The following CLYBL variants were observed in gnomAD, a reference collection of about 807,000 sequenced individuals.
CLYBL encodes citramalyl-CoA lyase.
Under a neutral mutation model 38.9 loss-of-function variants are expected in CLYBL, and 31 were observed. The ratio of observed to expected loss-of-function variants is 0.80; its 90% CI spans 0.60 to 1.08. The LOEUF is 1.08. CLYBL is among the 50% of genes least tolerant of loss of function. CLYBL has a pLI of 0.00. For synonymous variants in CLYBL, 171 were observed against 158.6 expected (o/e 1.08, Z -0.59); for missense variants, 434 against 411.6 (o/e 1.05, Z -0.47).
chr13:99,670,234 A>C (rs991637160), intron 1 of CLYBL, among the ~76,000 whole-genome samples: 6 of 152,150 alleles, frequency 3.9e-5, no homozygotes, highest in South Asian at 2.1e-4. Flanking sequence ...GTGCATGCCT[A>C]TAGTCCCAGC....
intron 6 of CLYBL, among the ~76,000 whole-genome samples, chr13:99,868,954 G>A (rs190529025): frequency 3.2e-4 from 49 of 152,116 alleles, no homozygotes; most frequent in East Asian, 1.5e-3. Flanking sequence ...TATATCAAGC[G>A]GTACTGTAAA....
chr13:99,641,225 GTAAT>G (rs1378799062), intron 1 of CLYBL, among the ~76,000 whole-genome samples: 2 of 152,134 alleles, frequency 1.3e-5, no homozygotes, highest in Non-Finnish European at 2.9e-5. Context: ...TAAAATATGA[GTAAT>G]TAATCATTTA....
intron 1 of CLYBL, among the ~76,000 whole-genome samples, chr13:99,755,850 G>T (rs2049053557): frequency 6.6e-6 from 1 of 152,092 alleles, no homozygotes; most frequent in Admixed American, 6.6e-5. Context: ...CTTCAGCCCT[G>T]TCTCATTACT....
chr13:99,725,234 T>C (rs755909819), intron 1 of CLYBL, among the ~76,000 whole-genome samples: 26 of 152,146 alleles, frequency 1.7e-4, no homozygotes, highest in Non-Finnish European at 3.4e-4. Context: ...CAAATCTTGA[T>C]GTAAAAGAAG....
chr13:99,736,285 C>T lies in CLYBL; in HGVS notation c.63-36539C>T, dbSNP rs189617556. Among the ~76,000 whole-genome samples the T allele has an allele frequency of 1.6e-4, 24 of 151,060 alleles. No homozygotes were observed. The East Asian group carries it at 3.1e-3, about 19-fold the overall frequency. Reference sequence around the variant, plus strand: ...GTCTCAAACTCCTGGGTGATGTGGCCGCCTCAGCCTCCCAAAGTGTGGGGA... The same window carrying T: ...GTCTCAAACTCCTGGGTGATGTGGCTGCCTCAGCCTCCCAAAGTGTGGGGA... On this transcript the variant is annotated intron_variant, in intron 1 of 8. Coordinates refer to ENST00000339105, the MANE Select transcript of CLYBL (RefSeq NM_206808.5).
intron 2 of CLYBL, among the ~76,000 whole-genome samples, chr13:99,843,142 TGA>T (rs1433274084): frequency 6.6e-6 from 1 of 152,156 alleles, no homozygotes; most frequent in Non-Finnish European, 1.5e-5. Context: ...CAGGAGGCTG[TGA>T]GAGTTGGAGC....
At chr13:99,687,169 C>T (rs931302620) in intron 1 of CLYBL, among the ~76,000 whole-genome samples, 2 of 152,136 alleles carry the variant, frequency 1.3e-5, no homozygotes, top group African/African-American at 4.8e-5. Context: ...GCTGGTGTTG[C>T]GGATTAAGAT....
intron 1 of CLYBL, among the ~76,000 whole-genome samples, chr13:99,633,722 A>G (rs1191181767): frequency 6.6e-6 from 1 of 152,158 alleles, no homozygotes; most frequent in African/African-American, 2.4e-5. Context: ...AAAATGGTGA[A>G]AATTGTGAAT....
intron 1 of CLYBL, among the ~76,000 whole-genome samples, chr13:99,632,791 A>C (rs188049101): frequency 6.6e-6 from 1 of 152,262 alleles, no homozygotes; most frequent in Non-Finnish European, 1.5e-5. Context: ...TAGAGGTAGA[A>C]ATGGGAAAAA....
intron 3 of CLYBL, among the ~76,000 whole-genome samples, chr13:99,859,428 G>A (rs982635849): frequency 4.6e-5 from 7 of 152,130 alleles, no homozygotes; most frequent in Non-Finnish European, 1.0e-4. Context: ...TGACGTAAAT[G>A]GCCCTTACTG....
chr13:99,788,009 T>C (rs2049834951), intron 2 of CLYBL, among the ~76,000 whole-genome samples: 1 of 152,340 alleles, frequency 6.6e-6, no homozygotes, highest in Non-Finnish European at 1.5e-5. Context: ...TTGTCTGTTA[T>C]TGGTGTATAA....
chr13:99,712,598 T>G (rs1057250052), intron 1 of CLYBL, among the ~76,000 whole-genome samples: 3 of 152,118 alleles, frequency 2.0e-5, no homozygotes, highest in African/African-American at 7.2e-5. Context: ...CTCCCTGCCT[T>G]GGCCTCCAAA....
chr13:99,711,573 A>G (rs1336246213), intron 1 of CLYBL, among the ~76,000 whole-genome samples: 2 of 146,650 alleles, frequency 1.4e-5, no homozygotes, highest in African/African-American at 5.1e-5. Flanking sequence ...CGCCCGGCTA[A>G]TTTTGTATTT....
intron 2 of CLYBL, among the ~76,000 whole-genome samples, chr13:99,777,398 A>T (rs1252235463): frequency 6.6e-6 from 1 of 152,124 alleles, no homozygotes; most frequent in Non-Finnish European, 1.5e-5. Context: ...TCTTGAGGAA[A>T]CCCAAGTCAG....
chr13:99,714,260 A>G (rs2048279590), intron 1 of CLYBL, among the ~76,000 whole-genome samples: 1 of 151,740 alleles, frequency 6.6e-6, no homozygotes, highest in Non-Finnish European at 1.5e-5. Context: ...TTCGGTTTTT[A>G]TCTTTCAAGT....
chr13:99,869,166 A>G lies in CLYBL; in HGVS notation c.803-1772A>G, dbSNP rs138377062. Among the ~76,000 whole-genome samples the G allele has an allele frequency of 5.4e-4, 83 of 152,328 alleles. No individual in the cohort carries two copies. The highest frequency in any genetic ancestry group is 1.9e-3 in the African/African-American group (80 of 41,580). ...CACACATTTCTAAAACCTAACATGT[A>G]TCTTAAAATTAGCCTCATTGCCCAA... On this transcript the variant is annotated intron_variant, in intron 6 of 8. Coordinates refer to ENST00000339105, the MANE Select transcript of CLYBL (RefSeq NM_206808.5). This position sits in a 1 kb window ranked among gnomAD's most constrained non-coding sequence, Gnocchi z 4.3.
chr13:99,891,320 G>A lies in CLYBL; in HGVS notation c.930G>A (p.Gly310=). 10 of 1,610,906 alleles carry A rather than the reference G, an allele frequency of 6.2e-6. No individual in the cohort carries two copies. The highest frequency in any genetic ancestry group is 8.5e-6 in the Non-Finnish European group (10 of 1,177,258). The change falls in exon 8 of 9, where the codon GGG becomes GGA. Residue 310 remains glycine, a splice_region_variant and synonymous_variant. Coordinates refer to ENST00000339105, the MANE Select transcript of CLYBL (RefSeq NM_206808.5). Reference sequence around the variant, plus strand: ...AGTTTGTATTCTCTGTTTTCCAGGGGGCCTTTACTTTCCAAGGGAGTATGA... The same window carrying A: ...AGTTTGTATTCTCTGTTTTCCAGGGAGCCTTTACTTTCCAAGGGAGTATGA... ...AFKEHQQLGK[G]AFTFQGSMID...
intron 1 of CLYBL, among the ~76,000 whole-genome samples, chr13:99,608,061 CTTTTTTT>C (rs56149363): frequency 1.2e-4 from 9 of 75,026 alleles, no homozygotes; most frequent in East Asian, 5.6e-4. Flanking sequence ...TCTGGAACTT[CTTTTTTT>C]TTTTTTTTTT....
intron 2 of CLYBL, among the ~76,000 whole-genome samples, chr13:99,799,705 A>T (rs1195247276): frequency 6.6e-6 from 1 of 152,252 alleles, no homozygotes; most frequent in Non-Finnish European, 1.5e-5. Flanking sequence ...TACATGGCAG[A>T]TAATCACATG....
Sources: allele counts gnomAD v4.1 joint callset (sites outside exome capture counted in the v4.1 genomes callset), GRCh38; gene constraint gnomAD v4.1.1; non-coding constraint Gnocchi (gnomAD v3.1); transcripts MANE v1.5; gene names NCBI Gene and HGNC (gene_info 2026-07-23, HGNC 2026-07-21).